Variants in RPS6KA2 observed in about 807,000 individuals in gnomAD.
RPS6KA2 encodes the protein ribosomal protein S6 kinase A2, also known as ribosomal protein S6 kinase alpha-2.
Under a neutral mutation model 91.8 loss-of-function variants are expected in RPS6KA2, and 42 were observed. The observed-to-expected ratio is 0.46, with a 90% CI of 0.36 to 0.59. The LOEUF (loss-of-function observed/expected upper bound fraction) is 0.59, where lower values mean the gene tolerates loss of function less well. Ranked by LOEUF, RPS6KA2 falls within the 20% of genes least tolerant of loss-of-function variation. The probability of loss-of-function intolerance (pLI) is 0.00; values close to 1 mark genes in which losing one functional copy is unlikely to be tolerated. For missense variants in RPS6KA2, 798 were observed against 978.5 expected (o/e 0.82, Z 2.46); for synonymous variants, 414 against 393.6 (o/e 1.05, Z -0.61).
At position 166,666,291 on chromosome 6, in the gene RPS6KA2, C is replaced by G. The variant is rs1562372300; in HGVS notation, c.124-127507G>C. Among the ~76,000 whole-genome samples the G allele has an allele frequency of 6.6e-6, 1 of 152,182 alleles. No homozygotes were observed. Among genetic ancestry groups the G allele is most frequent in the Admixed American group, 6.5e-5 (1 of 15,282 alleles). ...GGGGCAAGGGAGCACTCTGTAAAAG[C>G]AGGGGATGATGTGTAAACCCATCCA... On this transcript the variant is annotated intron_variant, in intron 2 of 21. Transcript: ENST00000503859. This position sits in a 1 kb window ranked among gnomAD's most constrained non-coding sequence, Gnocchi z 4.0.
In RPS6KA2 at chr6:166,785,337, C is replaced by G. The variant is rs568403323; in HGVS notation, c.123+72863G>C. 1.2e-4 allele frequency among the ~76,000 whole-genome samples: 19 copies of G among 152,370 alleles called. No homozygotes were observed. In the East Asian group the frequency reaches 3.3e-3, roughly 26 times the overall value. Reference sequence around the variant, plus strand: ...GTCACCCAGTTCTGCCGGCCTCAGTCTCCTCCCTAGGTCGCTGGCTCCAGG... The same window carrying G: ...GTCACCCAGTTCTGCCGGCCTCAGTGTCCTCCCTAGGTCGCTGGCTCCAGG... On this transcript the variant is annotated intron_variant, in intron 2 of 21. Coordinates refer to the RPS6KA2 transcript ENST00000503859.
chr6:166,470,232 G>C (rs555515077), intron 10 of RPS6KA2, among the ~76,000 whole-genome samples: 15 of 152,350 alleles, frequency 9.8e-5, no homozygotes, highest in Admixed American at 5.2e-4. Context: ...TCACCCCCAG[G>C]AGCTTGAGGT....
chr6:166,630,211 C>T (rs1221536338), upstream of RPS6KA2, among the ~76,000 whole-genome samples: 1 of 152,200 alleles, frequency 6.6e-6, no homozygotes, highest in African/African-American at 2.4e-5. Flanking sequence ...TACACAGGCA[C>T]CTTGTGGGTA....
intron 1 of RPS6KA2, among the ~76,000 whole-genome samples, chr6:166,552,431 G>A (rs1291793345): frequency 6.6e-6 from 1 of 152,236 alleles, no homozygotes; most frequent in African/African-American, 2.4e-5. Flanking sequence ...CAATCCCTCT[G>A]TGTGGCGAAA....
At chr6:166,627,324 C>T, upstream of RPS6KA2, 1 of 670,706 alleles carries the variant, frequency 1.5e-6, no homozygotes, top group African/African-American at 2.0e-5. Context: ...CGCCGCTCCG[C>T]GCCCCGGCAC....
At chr6:166,413,160 C>T (rs1583098062) in intron 20 of RPS6KA2, among the ~76,000 whole-genome samples, 2 of 152,000 alleles carry the variant, frequency 1.3e-5, no homozygotes, top group Non-Finnish European at 1.5e-5. Flanking sequence ...ATGTTTTGGA[C>T]GCTTGTGGAG....
At chr6:166,811,790 C>T (rs1779645342) in intron 2 of RPS6KA2, among the ~76,000 whole-genome samples, 1 of 152,126 alleles carries the variant, frequency 6.6e-6, no homozygotes, top group South Asian at 2.1e-4. Flanking sequence ...CTTGGTGAAC[C>T]ACCCATTCTT....
chr6:166,809,855 T>C (rs1337421184), intron 2 of RPS6KA2, among the ~76,000 whole-genome samples: 1 of 152,232 alleles, frequency 6.6e-6, no homozygotes, highest in Admixed American at 6.5e-5. Flanking sequence ...GGCCCATGGA[T>C]GCATGTGAGG....
chr6:166,721,425 A>C (rs1790170523), intron 2 of RPS6KA2, among the ~76,000 whole-genome samples: 1 of 152,240 alleles, frequency 6.6e-6, no homozygotes, highest in Admixed American at 6.5e-5. Context: ...GCCACAGCTG[A>C]ACCCCCTCCA....
chr6:166,632,561 A>C (rs578241448), intron 2 of RPS6KA2, among the ~76,000 whole-genome samples: 1 of 151,760 alleles, frequency 6.6e-6, no homozygotes, highest in Non-Finnish European at 1.5e-5. Context: ...CAGTGAGTGG[A>C]GATCATACCA....
chr6:166,466,659 G>A (rs1009255645), intron 11 of RPS6KA2, among the ~76,000 whole-genome samples: 5 of 152,224 alleles, frequency 3.3e-5, no homozygotes, highest in African/African-American at 1.2e-4. Context: ...AGGAAATGGA[G>A]GGGGCAAGTC....
chr6:166,637,708 C>G (rs943383777), intron 2 of RPS6KA2, among the ~76,000 whole-genome samples: 5 of 152,246 alleles, frequency 3.3e-5, no homozygotes, highest in African/African-American at 1.2e-4. Context: ...GTTTGTCCCA[C>G]TGGTGGACAT....
chr6:166,770,925 G>A lies in RPS6KA2; in HGVS notation c.123+87275C>T. ...GAGTCACTTTTGCCCTGTGAAAATG[G>A]AAACGAAGAAAGAATTCCTTTAAGT... On this transcript the variant is annotated intron_variant, in intron 2 of 21. Coordinates refer to the RPS6KA2 transcript ENST00000503859. The surrounding 1 kb of genome is among the most constrained non-coding windows in gnomAD (Gnocchi z 5.1). 1 of 1,593,300 alleles carries A rather than the reference G, an allele frequency of 6.3e-7. No individual in the cohort carries two copies. Among genetic ancestry groups the A allele is most frequent in the Non-Finnish European group, 8.5e-7 (1 of 1,178,600 alleles).
intron 1 of RPS6KA2, among the ~76,000 whole-genome samples, chr6:166,587,072 A>C (rs1583303609): frequency 1.3e-5 from 2 of 152,252 alleles, no homozygotes; most frequent in Admixed American, 6.5e-5. Context: ...TACAAAGAAG[A>C]AGCCTGGGTC....
chr6:166,745,728 C>T (rs1335793304), intron 2 of RPS6KA2, among the ~76,000 whole-genome samples: 3 of 152,154 alleles, frequency 2.0e-5, no homozygotes, highest in Non-Finnish European at 4.4e-5. Flanking sequence ...TGAGAGCTGG[C>T]AGCTCCACGT....
intron 1 of RPS6KA2, among the ~76,000 whole-genome samples, chr6:166,590,386 C>T (rs775966293): frequency 8.5e-5 from 13 of 152,262 alleles, no homozygotes; most frequent in Middle Eastern, 6.8e-3. Flanking sequence ...GTGTGAACTC[C>T]GTGTCAGACT....
chr6:166,608,812 GTTTTT>G (rs887733344), intron 1 of RPS6KA2, among the ~76,000 whole-genome samples: 1 of 150,700 alleles, frequency 6.6e-6, no homozygotes, highest in Non-Finnish European at 1.5e-5. Flanking sequence ...TGTTTGTTCT[GTTTTT>G]TTTTAAGTTG....
At chr6:166,629,247 C>A (rs1787002585), upstream of RPS6KA2, among the ~76,000 whole-genome samples, 1 of 152,252 alleles carries the variant, frequency 6.6e-6, no homozygotes, top group Admixed American at 6.5e-5. Context: ...CTGAATGCCA[C>A]CTATACCAAC....
intron 8 of RPS6KA2, among the ~76,000 whole-genome samples, chr6:166,491,458 C>T (rs1224264955): frequency 6.6e-6 from 1 of 152,206 alleles, no homozygotes; most frequent in African/African-American, 2.4e-5. Context: ...CTCATCAGAG[C>T]AAGGTGCACA....
Sources: gnomAD v4.1 joint callset for allele counts (sites outside exome capture counted in the v4.1 genomes callset) on GRCh38, gnomAD v4.1.1 for gene constraint, Gnocchi (gnomAD v3.1) non-coding constraint, MANE v1.5 for transcripts, NCBI Gene and HGNC (gene_info 2026-07-23, HGNC 2026-07-21) for gene names.